Variants in USP31 observed in about 807,000 individuals in gnomAD.
The protein encoded by USP31 is ubiquitin specific peptidase 31.
Under a neutral mutation model 119.4 loss-of-function variants are expected in USP31, and 44 were observed. That is an observed-to-expected ratio of 0.37 (90% confidence interval 0.29 to 0.47). The LOEUF (loss-of-function observed/expected upper bound fraction) is 0.47. Among genes scored for constraint, USP31 ranks in the 20% least tolerant of loss-of-function variants. The probability of loss-of-function intolerance (pLI) is 0.99; values close to 1 mark genes in which losing one functional copy is unlikely to be tolerated. For synonymous variants in USP31, 749 were observed against 705.6 expected, an observed-to-expected ratio of 1.06 and a Z score of -0.97; for missense variants, 1,643 against 1,730.2, an observed-to-expected ratio of 0.95 and a Z score of 0.89.
intron 13 of USP31, chr16:23,079,090 G>T (rs1567227599): frequency 6.6e-6 from 1 of 152,196 alleles, no homozygotes; most frequent in Non-Finnish European, 1.5e-5. Context: ...TGTTTATTAG[G>T]TACAGAGTTT....
chr16:23,077,538 A>T (rs1900629765), intron 13 of USP31, among the ~76,000 whole-genome samples: 1 of 152,194 alleles, frequency 6.6e-6, no homozygotes, highest in Admixed American at 6.5e-5. Context: ...AAAGAGTCCC[A>T]GAGATTTAAT....
At chr16:23,127,645 T>G (rs1282179589) in intron 1 of USP31, among the ~76,000 whole-genome samples, 10 of 148,154 alleles carry the variant, frequency 6.7e-5, no homozygotes, top group African/African-American at 2.5e-4. Context: ...TTTTGTAGTT[T>G]TTTTTTTTTT....
intron 11 of USP31, among the ~76,000 whole-genome samples, chr16:23,083,056 G>A (rs981903939): frequency 3.3e-5 from 5 of 151,962 alleles, no homozygotes; most frequent in African/African-American, 4.8e-5. Flanking sequence ...TCTTGAACTC[G>A]TGAACTCAGG....
intron 6 of USP31, among the ~76,000 whole-genome samples, chr16:23,095,448 C>G (rs1372493322): frequency 6.6e-6 from 1 of 152,160 alleles, no homozygotes. Flanking sequence ...AGGAGAACTT[C>G]CCCAACCTAG....
chr16:23,120,788 G>T (rs886446600), intron 1 of USP31, among the ~76,000 whole-genome samples: 1 of 152,172 alleles, frequency 6.6e-6, no homozygotes, highest in Non-Finnish European at 1.5e-5. Flanking sequence ...GCTCCTCTCC[G>T]AAGTGGAAGT....
intron 11 of USP31, among the ~76,000 whole-genome samples, chr16:23,084,425 G>A (rs573769110): frequency 1.4e-4 from 21 of 152,134 alleles, no homozygotes; most frequent in East Asian, 5.8e-4. Flanking sequence ...CTAATGCAAC[G>A]AAGGAACTGA....
At chr16:23,100,569 T>C (rs1052846319) in intron 6 of USP31, among the ~76,000 whole-genome samples, 1 of 151,834 alleles carries the variant, frequency 6.6e-6, no homozygotes, top group African/African-American at 2.4e-5. Context: ...GGTCAGGAGT[T>C]CGAGACCAGC....
chr16:23,117,760 T>TTTTTTTTGTTGTTTTTTTTG (rs1555468289), intron 1 of USP31, among the ~76,000 whole-genome samples: 2 of 145,012 alleles, frequency 1.4e-5, no homozygotes, highest in Non-Finnish European at 3.1e-5. Context: ...TCTTTTTTTT[T>TTTTTTTTGTTGTTTTTTTTG]TTGTTGTTGT....
chr16:23,091,929 C>T (rs1317433929), intron 6 of USP31, among the ~76,000 whole-genome samples: 2 of 152,162 alleles, frequency 1.3e-5, no homozygotes, highest in Non-Finnish European at 2.9e-5. Context: ...GAAGTTGAGA[C>T]AATAAACTCG....
At position 23,067,028 on chromosome 16, in the gene USP31, A is replaced by C. The variant is rs1900101336; in HGVS notation, c.*1018T>G. 1 of 152,244 alleles carries C rather than the reference A, an allele frequency of 6.6e-6. No individual in the cohort carries two copies. Among genetic ancestry groups the C allele is most frequent in the African/African-American group, 2.4e-5 (1 of 41,464 alleles). The allele number at this position is 152,244 out of a possible 1,614,324, so 9.4% of individuals were successfully genotyped here. ...TCTTTCCTCTCCAAGCTACAAGATGAGGGAACATGAGCCCACAGACACAGG... is the reference window on the plus strand; with the variant it reads ...TCTTTCCTCTCCAAGCTACAAGATGCGGGAACATGAGCCCACAGACACAGG... On this transcript the variant is annotated 3_prime_UTR_variant, in exon 16 of 16. Transcript: ENST00000219689.
chr16:23,068,130 A>G lies in USP31; in HGVS notation c.3975T>C (p.Gly1325=). 1 of 1,614,208 alleles carries G rather than the reference A, an allele frequency of 6.2e-7. No individual in the cohort carries two copies. The change falls in exon 16 of 16, where the codon GGT becomes GGC. Residue 1325 remains glycine (G), a synonymous_variant. Coordinates refer to ENST00000219689, the MANE Select transcript of USP31 (RefSeq NM_020718.4). The stretch of plus-strand genomic sequence containing the variant: ...AGGATTTCTCTGCAGACTGCCTGCC[A>G]CCCGGAGACGAGGGAACTCCAGAGT... ...QLDSGVPSSP[G]GRQSAEKSSK...
intron 1 of USP31, among the ~76,000 whole-genome samples, chr16:23,148,372 CA>C (rs1903591113): frequency 6.6e-6 from 1 of 152,216 alleles, no homozygotes; most frequent in African/African-American, 2.4e-5. Context: ...TTGTTCATTG[CA>C]ACGTCACTCC....
At chr16:23,084,766 A>T in intron 11 of USP31, 94 bp downstream of exon 11, 1 of 1,536,794 alleles carries the variant, frequency 6.5e-7, no homozygotes, top group Non-Finnish European at 8.8e-7. Context: ...TCCTGCGGCG[A>T]CTTCTGGGGC....
chr16:23,110,851 G>A (rs1054623000), intron 1 of USP31, among the ~76,000 whole-genome samples: 36 of 152,136 alleles, frequency 2.4e-4, no homozygotes, highest in South Asian at 6.2e-4. Flanking sequence ...TCAGGGGGCC[G>A]GGCGCAGTGG....
At chr16:23,101,987 A>AC (rs1199158150) in intron 6 of USP31, among the ~76,000 whole-genome samples, 1 of 149,966 alleles carries the variant, frequency 6.7e-6, no homozygotes, top group Non-Finnish European at 1.5e-5. Flanking sequence ...AAAAAAAAAA[A>AC]AAAAAAAACC....
In USP31 at chr16:23,090,727, C is replaced by T; in HGVS notation, c.1312G>A (p.Ala438Thr). 5.0e-6 allele frequency: 8 copies of T among 1,614,046 alleles called. No individual in the cohort carries two copies. The highest frequency in any genetic ancestry group is 5.1e-6 in the Non-Finnish European group (6 of 1,179,966). Residue 438 changes from alanine to threonine, a missense_variant, in exon 7 of 16, where the codon GCA becomes ACA. By Grantham distance (58) the Ala-to-Thr change is moderately conservative (BLOSUM62 0). This residue lies in a region of USP31 where 219 missense variants were observed against 226.4 expected (regional missense o/e 0.97). Transcript: ENST00000219689. ...GAATCCATTTTCCCCTGCTTTGCTGCTGTTTGTGTAGGAGAAGACAGTCTA... is the reference window on the plus strand; with the variant it reads ...GAATCCATTTTCCCCTGCTTTGCTGTTGTTTGTGTAGGAGAAGACAGTCTA... The part of the protein sequence containing the change: ...YHRLSSPTQT[A>T]AKQGKMDSPT...
intron 1 of USP31, among the ~76,000 whole-genome samples, chr16:23,128,704 C>A (rs947472879): frequency 6.6e-6 from 1 of 152,178 alleles, no homozygotes; most frequent in African/African-American, 2.4e-5. Context: ...CAGGGAACAA[C>A]TACCAGTGAT....
At chr16:23,139,754 C>CAT (rs1183130370) in intron 1 of USP31, among the ~76,000 whole-genome samples, 1 of 152,202 alleles carries the variant, frequency 6.6e-6, no homozygotes, top group East Asian at 1.9e-4. Context: ...GTGGGAAGGT[C>CAT]ATATCCTATG....
At chr16:23,123,895 G>A (rs1030706446) in intron 1 of USP31, among the ~76,000 whole-genome samples, 1 of 151,818 alleles carries the variant, frequency 6.6e-6, no homozygotes, top group Non-Finnish European at 1.5e-5. Context: ...AGCTACCAGA[G>A]AGCTGAGGTG....
Sources: gnomAD v4.1 joint callset for allele counts (sites outside exome capture counted in the v4.1 genomes callset) on GRCh38, gnomAD v4.1.1 for gene constraint, gnomAD v4.1.1 regional missense constraint, MANE v1.5 for transcripts, NCBI Gene and HGNC (gene_info 2026-07-23, HGNC 2026-07-21) for gene names.